Variants in NEO1 observed in about 807,000 individuals in gnomAD.
NEO1 encodes neogenin 1.
In NEO1, 63 loss-of-function variants were observed where a neutral mutation model predicts 159.7. That is an observed-to-expected ratio of 0.39 (90% CI 0.32 to 0.49). NEO1 has a LOEUF of 0.49. Among genes scored for constraint, NEO1 ranks in the 20% least tolerant of loss-of-function variants. The pLI is 0.85. For synonymous variants in NEO1, 633 were observed against 662.0 expected (o/e 0.96, Z 0.67); for missense variants, 1,615 against 1,831.0 (o/e 0.88, Z 2.15).
In NEO1 at chr15:73,288,478, C is replaced by G. The variant is rs768492724; in HGVS notation, c.3576C>G (p.Arg1192=). 5 of 1,614,178 alleles carry G rather than the reference C, an allele frequency of 3.1e-6. No individual in the cohort carries two copies. In the South Asian group the frequency reaches 5.5e-5, roughly 18 times the overall value. ...TCATGACTGATACTCCAATTCCTCG[C>G]AACTCTCAAGATATCACACCAGTTG... is the stretch of plus-strand genomic sequence containing the variant. The part of the protein sequence containing the change: ...NPIMTDTPIP[R]NSQDITPVDN... The change falls in exon 24 of 29, where the codon CGC becomes CGG. Residue 1192 remains arginine, a synonymous_variant. Coordinates refer to ENST00000261908, the MANE Select transcript of NEO1 (RefSeq NM_002499.4).
At chr15:73,119,879 A>G (rs1447501293) in intron 2 of NEO1, among the ~76,000 whole-genome samples, 2 of 152,218 alleles carry the variant, frequency 1.3e-5, no homozygotes, top group Non-Finnish European at 2.9e-5. Context: ...GCTTACGCCT[A>G]TAATCCCAGC....
chr15:73,296,943 T>C (rs1276726771), intron 26 of NEO1, among the ~76,000 whole-genome samples: 1 of 152,200 alleles, frequency 6.6e-6, no homozygotes, highest in Non-Finnish European at 1.5e-5. Context: ...CCACAGATAA[T>C]TGAAATCATT....
chr15:73,288,164 G>GTTT, intron 23 of NEO1, 149 bp from the exon 24 acceptor site: 1 of 672,454 alleles, frequency 1.5e-6, no homozygotes. Context: ...TGTTGTTGTT[G>GTTT]TTGTTGTTGG....
chr15:73,118,345 T>C (rs746030442), intron 2 of NEO1, among the ~76,000 whole-genome samples: 4 of 151,974 alleles, frequency 2.6e-5, no homozygotes, highest in African/African-American at 4.8e-5. Flanking sequence ...AGGTAACATC[T>C]AACTCTTAAA....
At chr15:73,148,559 G>T (rs1206166211) in intron 5 of NEO1, among the ~76,000 whole-genome samples, 1 of 152,242 alleles carries the variant, frequency 6.6e-6, no homozygotes, top group Non-Finnish European at 1.5e-5. Context: ...ACTGTTAAGG[G>T]TGTATTGATG....
intron 7 of NEO1, among the ~76,000 whole-genome samples, chr15:73,191,326 T>C (rs1027238499): frequency 1.3e-5 from 2 of 152,174 alleles, no homozygotes; most frequent in East Asian, 3.9e-4. Context: ...TCTGTAACTT[T>C]AGGATAATAG....
chr15:73,283,880 T>C (rs2041833928), intron 23 of NEO1, among the ~76,000 whole-genome samples: 1 of 152,174 alleles, frequency 6.6e-6, no homozygotes, highest in Admixed American at 6.5e-5. Context: ...AAGAATATTT[T>C]TAAAGAATTG....
chr15:73,229,148 A>G (rs1324659827), intron 7 of NEO1, among the ~76,000 whole-genome samples: 1 of 152,118 alleles, frequency 6.6e-6, no homozygotes, highest in Non-Finnish European at 1.5e-5. Context: ...TGTTCAATTC[A>G]TGAACATGGA....
chr15:73,080,611 T>C (rs577956791), intron 1 of NEO1, among the ~76,000 whole-genome samples: 2 of 151,688 alleles, frequency 1.3e-5, no homozygotes, highest in East Asian at 1.9e-4. Flanking sequence ...ATGGTAGAGG[T>C]TGGGTGTTGA....
intron 1 of NEO1, among the ~76,000 whole-genome samples, chr15:73,085,964 T>G (rs11630980): frequency 0.067 from 10,172 of 151,786 alleles, 464 homozygotes; most frequent in Middle Eastern, 0.11. Context: ...ACTTGCCAGT[T>G]TTTTTCTTTT....
rs1183374578 is a variant in NEO1 at position 73,254,729 on chromosome 15, G to A, written c.1992G>A (p.Gly664=). 1.9e-6 allele frequency: 3 copies of A among 1,614,008 alleles called. No individual in the cohort carries two copies. Among genetic ancestry groups the A allele is most frequent in the Non-Finnish European group, 2.5e-6 (3 of 1,179,960 alleles). The change falls in exon 13 of 29, where the codon GGG becomes GGA. Residue 664 remains glycine, a synonymous_variant. Coordinates refer to ENST00000261908, the MANE Select transcript of NEO1 (RefSeq NM_002499.4). ...CACCTGCTCCAGCCACACAAAATGG[G>A]CAGATTACTGGCTACAAGATTCGCT... ...WQPPAPATQN[G]QITGYKIRYR... is the part of the protein sequence containing the mutation.
intron 7 of NEO1, among the ~76,000 whole-genome samples, chr15:73,226,959 A>G (rs1356465640): frequency 3.3e-5 from 5 of 152,208 alleles, no homozygotes. Context: ...TCAAATTAGG[A>G]TAACTGGGGA....
chr15:73,133,571 C>T (rs1014603635), intron 4 of NEO1, among the ~76,000 whole-genome samples: 31 of 152,076 alleles, frequency 2.0e-4, no homozygotes, highest in African/African-American at 6.5e-4. Context: ...AAAGCCTTTC[C>T]GCTTGGTCAA....
chr15:73,251,158 A>G (rs2150945173), intron 11 of NEO1, among the ~76,000 whole-genome samples: 1 of 152,354 alleles, frequency 6.6e-6, no homozygotes, highest in East Asian at 1.9e-4. Flanking sequence ...TGAAAAGAAC[A>G]GCCATTCATT....
chr15:73,179,725 G>C (rs902954634), intron 7 of NEO1, among the ~76,000 whole-genome samples: 22 of 152,268 alleles, frequency 1.4e-4, no homozygotes, highest in Non-Finnish European at 2.9e-4. Context: ...TTGATAACTG[G>C]TACACACTTC....
chr15:73,291,349 G>T (rs2042158142), intron 25 of NEO1, among the ~76,000 whole-genome samples: 1 of 152,104 alleles, frequency 6.6e-6, no homozygotes, highest in Non-Finnish European at 1.5e-5. Context: ...AAGATATGTT[G>T]TCCAGTTGAT....
intron 21 of NEO1, among the ~76,000 whole-genome samples, chr15:73,275,060 A>G (rs1431797161): frequency 6.6e-6 from 1 of 152,214 alleles, no homozygotes; most frequent in African/African-American, 2.4e-5. Context: ...GACCGATCAT[A>G]CCAATTGTTC....
intron 16 of NEO1, 42 bp from the exon 17 acceptor site, chr15:73,269,968 C>CA (rs1391350597): frequency 4.1e-6 from 6 of 1,465,160 alleles, no homozygotes; most frequent in Non-Finnish European, 5.7e-6. Flanking sequence ...TTTTTGTTTA[C>CA]ATTAAAATGC....
Position 73,101,416 on chromosome 15 carries a change from C to T in NEO1, c.131-15124C>T, listed in dbSNP as rs77086522. Among the ~76,000 whole-genome samples, 1,305 of 152,276 alleles carry T rather than the reference C, an allele frequency of 8.6e-3. 23 individuals are homozygous for T. The highest frequency in any genetic ancestry group is 0.03 in the African/African-American group (1,230 of 41,538). On this transcript the variant is annotated intron_variant, in intron 1 of 28. Transcript: ENST00000261908. ...ATGCACGCTCTCACGCGCACGCGTGCGCACACACGCTCTCTTTCCCACTCT... is the reference window on the plus strand; with the variant it reads ...ATGCACGCTCTCACGCGCACGCGTGTGCACACACGCTCTCTTTCCCACTCT...
Sources: allele counts gnomAD v4.1 joint callset (sites outside exome capture counted in the v4.1 genomes callset), GRCh38; gene constraint gnomAD v4.1.1; transcripts MANE v1.5; gene names NCBI Gene and HGNC (gene_info 2026-07-23, HGNC 2026-07-21).